BAZ2B: variants seen among roughly 807,000 people sequenced by gnomAD.
BAZ2B encodes the protein bromodomain adjacent to zinc finger domain protein 2B.
BAZ2B carries 91 observed loss-of-function variants against 246.0 expected under a neutral mutation model. The ratio of observed to expected loss-of-function variants is 0.37; its 90% CI spans 0.31 to 0.44. The LOEUF (loss-of-function observed/expected upper bound fraction) is 0.44, where lower values mean the gene tolerates loss of function less well. Among genes scored for constraint, BAZ2B ranks in the 20% least tolerant of loss-of-function variants. The pLI is 1.00. For missense variants in BAZ2B, 2,332 were observed against 2,533.7 expected, an observed-to-expected ratio of 0.92 and a Z score of 1.71; for synonymous variants, 855 against 860.0, an observed-to-expected ratio of 0.99 and a Z score of 0.10.
chr2:159,687,026 A>G, the BAZ2B span, among the ~76,000 whole-genome samples: 1 of 119,386 alleles, frequency 8.4e-6, no homozygotes, highest in Non-Finnish European at 1.6e-5. Context: ...TGGGTGACAG[A>G]GCGAGACTCC....
the BAZ2B span, among the ~76,000 whole-genome samples, chr2:159,624,200 G>A: frequency 6.6e-6 from 1 of 152,150 alleles, no homozygotes; most frequent in Non-Finnish European, 1.5e-5. Context: ...CCCAGTCAGG[G>A]GCTTATAGAT....
At chr2:159,437,986 G>C (rs996014950) in intron 8 of BAZ2B, 1 of 189,392 alleles carries the variant, frequency 5.3e-6, no homozygotes, top group Non-Finnish European at 1.1e-5. Flanking sequence ...AAGTAATTGT[G>C]AAGCTTGTCT....
intron 2 of BAZ2B, among the ~76,000 whole-genome samples, chr2:159,533,573 C>T (rs1236151627): frequency 6.7e-6 from 1 of 149,546 alleles, no homozygotes; most frequent in African/African-American, 2.6e-5. Context: ...TTAATCTTGA[C>T]TGATTTAACA....
At chr2:159,410,247 G>A (rs536051376) in intron 14 of BAZ2B, among the ~76,000 whole-genome samples, 26 of 152,208 alleles carry the variant, frequency 1.7e-4, no homozygotes, top group African/African-American at 6.3e-4. Context: ...ACCTTCACTA[G>A]TAACTCTTTG....
At chr2:159,350,408 T>A (rs1174541887) in intron 27 of BAZ2B, 51 bp from the exon 28 acceptor site, 1 of 1,373,730 alleles carries the variant, frequency 7.3e-7, no homozygotes, top group East Asian at 2.5e-5. Flanking sequence ...ATCAAACCAA[T>A]ACTGTAATTA....
the BAZ2B span, among the ~76,000 whole-genome samples, chr2:159,672,786 T>C: frequency 6.6e-6 from 1 of 152,176 alleles, no homozygotes; most frequent in East Asian, 1.9e-4. Flanking sequence ...TGATAAATAA[T>C]GTTGAGATAA....
At chr2:159,555,891 A>C (rs1461102956) in intron 1 of BAZ2B, 26 bp from the exon 2 acceptor site, 1 of 152,256 alleles carries the variant, frequency 6.6e-6, no homozygotes, top group Non-Finnish European at 1.5e-5. Flanking sequence ...AAGAATTAGC[A>C]ATCAGCTGAA....
chr2:159,546,202 G>A (rs563752392), intron 2 of BAZ2B, among the ~76,000 whole-genome samples: 5 of 152,110 alleles, frequency 3.3e-5, no homozygotes, highest in South Asian at 4.1e-4. Context: ...CAATTCCCAC[G>A]TCATGGGAGG....
intron 1 of BAZ2B, among the ~76,000 whole-genome samples, chr2:159,598,736 C>G (rs1477401653): frequency 6.6e-6 from 1 of 152,052 alleles, no homozygotes; most frequent in Non-Finnish European, 1.5e-5. Context: ...CACCTGTAAT[C>G]CCAGCTACTT....
intron 31 of BAZ2B, among the ~76,000 whole-genome samples, chr2:159,347,058 G>A (rs1396201482): frequency 2.0e-5 from 3 of 152,044 alleles, no homozygotes; most frequent in Admixed American, 6.6e-5. Flanking sequence ...CATATAACAA[G>A]GCTTGTATGT....
At chr2:159,627,619 C>A in the BAZ2B span, among the ~76,000 whole-genome samples, 9 of 152,032 alleles carry the variant, frequency 5.9e-5, no homozygotes, top group Non-Finnish European at 1.0e-4. Context: ...AATTCAAAAC[C>A]CCTTCATGCT....
chr2:159,361,989 G>A (rs1401426174), intron 27 of BAZ2B, among the ~76,000 whole-genome samples: 1 of 152,098 alleles, frequency 6.6e-6, no homozygotes, highest in Non-Finnish European at 1.5e-5. Flanking sequence ...ATAGCATTAG[G>A]AGAAATACCT....
At chr2:159,661,518 C>A in the BAZ2B span, among the ~76,000 whole-genome samples, 9 of 152,216 alleles carry the variant, frequency 5.9e-5, no homozygotes, top group African/African-American at 2.2e-4. Flanking sequence ...CTTTTTAAAG[C>A]CAAACTGTTT....
chr2:159,330,381 T>C (rs1030344585), intron 34 of BAZ2B, among the ~76,000 whole-genome samples: 1 of 151,616 alleles, frequency 6.6e-6, no homozygotes, highest in African/African-American at 2.4e-5. Flanking sequence ...ACCAGGAGAG[T>C]ATGGTATCTT....
At chr2:159,542,005 A>C (rs2086715716) in intron 2 of BAZ2B, among the ~76,000 whole-genome samples, 1 of 152,218 alleles carries the variant, frequency 6.6e-6, no homozygotes, top group Non-Finnish European at 1.5e-5. Context: ...ACCAAATAGA[A>C]ATTACAGAGC....
At chr2:159,598,119 G>A (rs551842675) in intron 1 of BAZ2B, among the ~76,000 whole-genome samples, 45 of 151,816 alleles carry the variant, frequency 3.0e-4, no homozygotes, top group Non-Finnish European at 4.3e-4. Context: ...TCAGCCTCCC[G>A]AGTAGCTAGT....
At chr2:159,381,136 C>A (rs935944762) in intron 25 of BAZ2B, among the ~76,000 whole-genome samples, 2 of 152,120 alleles carry the variant, frequency 1.3e-5, no homozygotes, top group African/African-American at 4.8e-5. Context: ...ACTCTATTCA[C>A]TAAACCAATC....
the BAZ2B span, among the ~76,000 whole-genome samples, chr2:159,637,238 C>G: frequency 6.6e-6 from 1 of 152,214 alleles, no homozygotes; most frequent in African/African-American, 2.4e-5. Flanking sequence ...CAAGCAGGCT[C>G]TAAGGGTCCC....
chr2:159,325,017 A>G (rs2063252864), intron 35 of BAZ2B, 63 bp from the exon 36 acceptor site: 1 of 673,140 alleles, frequency 1.5e-6, no homozygotes, highest in African/African-American at 2.4e-5. Flanking sequence ...TTTTAATTAA[A>G]AAAGCTTTCA....
Sources: gnomAD v4.1 joint callset for allele counts (sites outside exome capture counted in the v4.1 genomes callset) on GRCh38, gnomAD v4.1.1 for gene constraint, MANE v1.5 for transcripts, NCBI Gene and HGNC (gene_info 2026-07-23, HGNC 2026-07-21) for gene names.